The following PCNT variants were observed in gnomAD, a reference collection of about 807,000 sequenced individuals.
PCNT encodes the protein pericentrin.
In PCNT, 319 loss-of-function variants were observed where a neutral mutation model predicts 380.4. The observed-to-expected ratio is 0.84, with a 90% CI of 0.77 to 0.92. The LOEUF (loss-of-function observed/expected upper bound fraction) is 0.92. PCNT is among the 40% of genes least tolerant of loss of function. PCNT has a pLI of 0.00. For missense variants in PCNT, 4,400 were observed against 4,255.3 expected, an observed-to-expected ratio of 1.03 and a Z score of -0.95; for synonymous variants, 1,845 against 1,735.2, an observed-to-expected ratio of 1.06 and a Z score of -1.57.
chr21:46,411,735 T>G lies in PCNT; in HGVS notation c.5662T>G (p.Ser1888Ala), dbSNP rs1298968984. The G allele has an allele frequency of 1.9e-6, 3 of 1,611,696 alleles. No homozygotes were observed. The highest frequency in any genetic ancestry group is 2.5e-6 in the Non-Finnish European group (3 of 1,179,786). Residue 1888 changes from serine to alanine, a missense_variant, in exon 28 of 47, where the codon TCT becomes GCT. Coordinates refer to ENST00000359568, the MANE Select transcript of PCNT (RefSeq NM_006031.6). Reference sequence around the variant, plus strand: ...TCTGAACCAGCGGAAGGCGGCCCACTCTGCCGAGCTGGAGGCCGTCCTGTT... The same window carrying G: ...TCTGAACCAGCGGAAGGCGGCCCACGCTGCCGAGCTGGAGGCCGTCCTGTT... Reference protein sequence around the residue: ...DALNQRKAAHSAELEAVLLAL... With the variant: ...DALNQRKAAHAAELEAVLLAL...
chr21:46,358,148 G>A (rs2084546403), intron 13 of PCNT, among the ~76,000 whole-genome samples: 1 of 152,126 alleles, frequency 6.6e-6, no homozygotes. Flanking sequence ...TCCGTCCCAT[G>A]CGGGAGCAGT....
chr21:46,392,169 C>A (rs2086055845), intron 21 of PCNT, among the ~76,000 whole-genome samples: 2 of 152,088 alleles, frequency 1.3e-5, no homozygotes, highest in Non-Finnish European at 2.9e-5. Context: ...TGTCTTCTGT[C>A]TTGCTGATTT....
intron 39 of PCNT, among the ~76,000 whole-genome samples, chr21:46,436,486 C>G (rs1022586817): frequency 1.1e-5 from 1 of 90,540 alleles, no homozygotes; most frequent in Non-Finnish European, 2.8e-5. Flanking sequence ...CCCCCCCCCC[C>G]CCGCTGGCAC....
At chr21:46,422,473 C>T (rs951384621) in intron 32 of PCNT, among the ~76,000 whole-genome samples, 10 of 148,436 alleles carry the variant, frequency 6.7e-5, no homozygotes, top group Admixed American at 3.3e-4. Flanking sequence ...AGGCACCAGA[C>T]GCCGCAGTGC....
chr21:46,429,709 T>C (rs1199998847), intron 35 of PCNT, among the ~76,000 whole-genome samples: 2 of 152,146 alleles, frequency 1.3e-5, no homozygotes, highest in African/African-American at 4.8e-5. Flanking sequence ...GTTCCCTCTG[T>C]TGGAGGCAGT....
At chr21:46,361,216 C>G (rs1328807122) in intron 13 of PCNT, among the ~76,000 whole-genome samples, 1 of 152,030 alleles carries the variant, frequency 6.6e-6, no homozygotes, top group Admixed American at 6.6e-5. Flanking sequence ...GAAACCCTGT[C>G]TTTACTAAAA....
intron 38 of PCNT, 62 bp downstream of exon 38, chr21:46,432,277 T>C (rs2087802200): frequency 6.7e-7 from 1 of 1,481,530 alleles, no homozygotes; most frequent in Non-Finnish European, 9.2e-7. Context: ...GGAGTTAGGA[T>C]GGTTCACGTG....
At chr21:46,439,976 G>A in intron 41 of PCNT, 107 bp from the exon 42 acceptor site, 1 of 1,380,414 alleles carries the variant, frequency 7.2e-7, no homozygotes, top group Non-Finnish European at 1.0e-6. Flanking sequence ...TGGTCAGCCT[G>A]GCCTCCCCGC....
chr21:46,398,467 G>A (rs1301455513), intron 24 of PCNT, among the ~76,000 whole-genome samples: 1 of 152,256 alleles, frequency 6.6e-6, no homozygotes, highest in Non-Finnish European at 1.5e-5. Context: ...GGTAAGACTC[G>A]GATCCCTCGT....
intron 8 of PCNT, among the ~76,000 whole-genome samples, chr21:46,351,028 T>C (rs9306151): frequency 3.0e-4 from 45 of 152,330 alleles, no homozygotes; most frequent in African/African-American, 1.0e-3. Context: ...AGACCTCCTA[T>C]TTGGGAGTCT....
At chr21:46,385,410 A>G (rs907121981) in intron 16 of PCNT, among the ~76,000 whole-genome samples, 1 of 152,230 alleles carries the variant, frequency 6.6e-6, no homozygotes, top group African/African-American at 2.4e-5. Flanking sequence ...GACCAGATAC[A>G]GTGACTTATT....
intron 39 of PCNT, among the ~76,000 whole-genome samples, 173 bp downstream of exon 39, chr21:46,436,321 G>T (rs1199011321): frequency 1.3e-5 from 2 of 152,210 alleles, no homozygotes; most frequent in Admixed American, 6.5e-5. Flanking sequence ...AAGATGGCAT[G>T]TTCATATTCT....
intron 15 of PCNT, among the ~76,000 whole-genome samples, chr21:46,381,173 C>A (rs2085518736): frequency 2.0e-5 from 1 of 49,548 alleles, no homozygotes; most frequent in Admixed American, 2.2e-4. Flanking sequence ...AAGAGTCCTT[C>A]CAAAAAAAAA....
rs1218653837 is a variant in PCNT, at chr21:46,425,248, G to C, written c.7180-583G>C. On this transcript the variant is annotated intron_variant, in intron 32 of 46. Transcript: ENST00000359568. The surrounding 1 kb of genome is among the most constrained non-coding windows in gnomAD (Gnocchi z 4.2). ...CCGGACACCAGCTGCTGCGTAATCG[G>C]TGGGATAAAGCAGCCGCCTCGTGTT... Among the ~76,000 whole-genome samples, 2 of 152,212 alleles carry C rather than the reference G, an allele frequency of 1.3e-5. No homozygotes were observed. Among genetic ancestry groups the C allele is most frequent in the African/African-American group, 2.4e-5 (1 of 41,464 alleles).
At position 46,339,280 on chromosome 21, in the gene PCNT, C is replaced by T. The variant is rs187850173; in HGVS notation, c.639+4512C>T. On this transcript the variant is annotated intron_variant, in intron 3 of 46. Coordinates refer to ENST00000359568, the MANE Select transcript of PCNT (RefSeq NM_006031.6). ...CATATAGTTGGCAGTTGGTGTCTTGCTTGCCGGTGGTTTCGCTCTGCCCCT... is the reference window on the plus strand; with the variant it reads ...CATATAGTTGGCAGTTGGTGTCTTGTTTGCCGGTGGTTTCGCTCTGCCCCT... 3.6e-3 allele frequency among the ~76,000 whole-genome samples: 547 copies of T among 152,288 alleles called. 2 individuals are homozygous for T. Among genetic ancestry groups the T allele is most frequent in the Admixed American group, 5.8e-3 (89 of 15,296 alleles).
intron 31 of PCNT, among the ~76,000 whole-genome samples, chr21:46,418,675 G>A (rs1047725564): frequency 6.6e-6 from 1 of 152,276 alleles, no homozygotes; most frequent in African/African-American, 2.4e-5. Context: ...GCAGGATGGA[G>A]ACTGGGGCGG....
At chr21:46,372,356 C>T (rs945799462) in intron 15 of PCNT, among the ~76,000 whole-genome samples, 6 of 152,142 alleles carry the variant, frequency 3.9e-5, no homozygotes, top group African/African-American at 7.2e-5. Context: ...CACGTGCTTA[C>T]ACAGCACATG....
chr21:46,435,248 A>G (rs2087918542), intron 38 of PCNT, among the ~76,000 whole-genome samples: 1 of 151,906 alleles, frequency 6.6e-6, no homozygotes. Flanking sequence ...TTTTTGGTAG[A>G]TGGAGTCTCA....
At position 46,391,367 on chromosome 21, in the gene PCNT, A is replaced by G. The variant is rs1353668714; in HGVS notation, c.4207A>G (p.Arg1403Gly). 1.9e-6 allele frequency: 3 copies of G among 1,548,878 alleles called. No individual in the cohort carries two copies. The highest frequency in any genetic ancestry group is 2.6e-6 in the Non-Finnish European group (3 of 1,145,958). The change falls in exon 21 of 47, where the codon AGA (arginine) becomes GGA (glycine). Residue 1403 changes from arginine (R) to glycine (G), a missense_variant. Transcript: ENST00000359568. The part of the protein sequence containing the change: ...GEATATDAEA[R>G]EAALRKEVED... ...GGCCACAGCCACGGACGCCGAGGCC[A>G]GAGAAGCTGGTAAGGAGCGCGGGCT...
Sources: allele counts gnomAD v4.1 joint callset (sites outside exome capture counted in the v4.1 genomes callset), GRCh38; gene constraint gnomAD v4.1.1; non-coding constraint Gnocchi (gnomAD v3.1); transcripts MANE v1.5; gene names NCBI Gene and HGNC (gene_info 2026-07-23, HGNC 2026-07-21).